RORA: variants seen among roughly 807,000 people sequenced by gnomAD.
The protein encoded by RORA is nuclear receptor ROR-alpha.
A neutral mutation model predicts 69.5 loss-of-function variants in RORA; 7 were observed. That is an observed-to-expected ratio of 0.10 (90% CI 0.06 to 0.19). The LOEUF (loss-of-function observed/expected upper bound fraction) is 0.19. Among genes scored for constraint, RORA ranks in the 10% least tolerant of loss-of-function variants. The pLI is 1.00. For missense variants in RORA, 457 were observed against 663.0 expected (o/e 0.69, Z 3.41); for synonymous variants, 261 against 240.8 (o/e 1.08, Z -0.78).
chr15:61,016,003 G>C (rs971943675), intron 1 of RORA, among the ~76,000 whole-genome samples: 5 of 152,160 alleles, frequency 3.3e-5, no homozygotes, highest in Non-Finnish European at 7.3e-5. Flanking sequence ...TCATGATATC[G>C]GAGAGATGAC....
At chr15:60,847,512 C>T (rs1295608676) in intron 1 of RORA, among the ~76,000 whole-genome samples, 3 of 151,992 alleles carry the variant, frequency 2.0e-5, no homozygotes, top group Admixed American at 6.6e-5. Context: ...CTTTTCTGAA[C>T]ACCTTTGAGT....
At chr15:60,576,306 A>G (rs544937375) in intron 2 of RORA, among the ~76,000 whole-genome samples, 2 of 152,350 alleles carry the variant, frequency 1.3e-5, no homozygotes, top group Admixed American at 1.3e-4. Context: ...TCTCTTAGTT[A>G]TAACAGTCAG....
chr15:60,814,075 T>C (rs1386094609), intron 1 of RORA, among the ~76,000 whole-genome samples: 1 of 152,218 alleles, frequency 6.6e-6, no homozygotes. Flanking sequence ...GGGACTAATT[T>C]AGCTCTTCTA....
chr15:61,178,956 T>G (rs1251420734), intron 1 of RORA, among the ~76,000 whole-genome samples: 4 of 152,192 alleles, frequency 2.6e-5, no homozygotes, highest in Admixed American at 6.5e-5. Flanking sequence ...ATCTACATAC[T>G]TTTTCCTTTG....
chr15:60,820,622 G>A (rs1595741045), intron 1 of RORA, among the ~76,000 whole-genome samples: 1 of 152,066 alleles, frequency 6.6e-6, no homozygotes, highest in South Asian at 2.1e-4. Flanking sequence ...CTTTCACACT[G>A]GGAGTAAAGG....
intron 2 of RORA, among the ~76,000 whole-genome samples, chr15:60,553,626 GA>G (rs1323739716): frequency 1.3e-5 from 2 of 152,132 alleles, no homozygotes; most frequent in African/African-American, 4.8e-5. Flanking sequence ...AGAAACAGCA[GA>G]AAAAGCTCTC....
At position 60,819,945 on chromosome 15, in the gene RORA, G is replaced by A. The variant is rs550007250; in HGVS notation, c.167-141259C>T. ...TGCCTGCTTCCCTGCCTGCTTCCAG[G>A]GCCAGCATCTCCACCCCTGCAGATG... On this transcript the variant is annotated intron_variant, in intron 1 of 10. Transcript: ENST00000335670. Among the ~76,000 whole-genome samples, 764 of 152,214 alleles carry A rather than the reference G, an allele frequency of 5.0e-3. 8 individuals are homozygous for A. The highest frequency in any genetic ancestry group is 0.018 in the African/African-American group (732 of 41,530).
intron 1 of RORA, among the ~76,000 whole-genome samples, chr15:61,062,870 C>A (rs957477839): frequency 1.3e-5 from 2 of 152,140 alleles, no homozygotes; most frequent in South Asian, 4.2e-4. Context: ...TGATGAAGCA[C>A]GTGGTAGAAT....
At chr15:60,616,537 A>G (rs1251051864) in intron 2 of RORA, among the ~76,000 whole-genome samples, 1 of 152,244 alleles carries the variant, frequency 6.6e-6, no homozygotes, top group East Asian at 1.9e-4. Context: ...AGAAAGAAAC[A>G]AGAGCCGGGA....
intron 1 of RORA, among the ~76,000 whole-genome samples, chr15:60,894,924 C>A (rs1031035622): frequency 6.6e-6 from 1 of 152,182 alleles, no homozygotes; most frequent in Non-Finnish European, 1.5e-5. Flanking sequence ...GGCTCGTTGT[C>A]ACAGCATCAA....
chr15:60,737,569 C>G (rs867061560), intron 1 of RORA, among the ~76,000 whole-genome samples: 1 of 152,292 alleles, frequency 6.6e-6, no homozygotes, highest in Middle Eastern at 3.4e-3. Context: ...AACAAGTCCT[C>G]CAAGTGATTC....
At chr15:61,105,114 T>C (rs2140763685) in intron 1 of RORA, among the ~76,000 whole-genome samples, 1 of 152,054 alleles carries the variant, frequency 6.6e-6, no homozygotes, top group African/African-American at 2.4e-5. Context: ...ATACAGCTAG[T>C]TAACCCTTAC....
intron 1 of RORA, among the ~76,000 whole-genome samples, chr15:61,203,474 A>G (rs2079912812): frequency 6.6e-6 from 1 of 152,222 alleles, no homozygotes; most frequent in Non-Finnish European, 1.5e-5. Context: ...GGCAGTTTAA[A>G]CAGCAGAGTA....
intron 1 of RORA, among the ~76,000 whole-genome samples, chr15:60,884,531 T>C (rs2073729945): frequency 6.6e-6 from 1 of 151,996 alleles, no homozygotes; most frequent in Non-Finnish European, 1.5e-5. Flanking sequence ...AAATCCACAT[T>C]TGTGTATGGA....
intron 1 of RORA, among the ~76,000 whole-genome samples, chr15:60,770,640 C>A (rs969355449): frequency 6.6e-6 from 1 of 152,250 alleles, no homozygotes; most frequent in African/African-American, 2.4e-5. Flanking sequence ...GAGACCCAGT[C>A]TCATTTTGTT....
At chr15:61,186,207 A>T (rs7167741) in intron 1 of RORA, among the ~76,000 whole-genome samples, 51,686 of 152,094 alleles carry the variant, frequency 0.34, 10,993 homozygotes, top group East Asian at 0.47. Flanking sequence ...TGCTCAGCAC[A>T]CTGCAACCTA....
At chr15:60,831,034 G>A (rs1007802530) in intron 1 of RORA, among the ~76,000 whole-genome samples, 1 of 152,218 alleles carries the variant, frequency 6.6e-6, no homozygotes, top group African/African-American at 2.4e-5. Flanking sequence ...TAGTCAGCGA[G>A]GAGACTGAGA....
chr15:60,675,186 G>A (rs151025436), intron 2 of RORA, among the ~76,000 whole-genome samples: 4 of 152,258 alleles, frequency 2.6e-5, no homozygotes, highest in East Asian at 3.9e-4. Context: ...TGAATGACTC[G>A]TTGTCCTTGG....
intron 1 of RORA, among the ~76,000 whole-genome samples, chr15:60,817,758 C>A (rs989429008): frequency 6.6e-6 from 1 of 152,218 alleles, no homozygotes; most frequent in South Asian, 2.1e-4. Context: ...CTGTGTTTGT[C>A]CCCTGTGCCA....
Sources: gnomAD v4.1 joint callset for allele counts (sites outside exome capture counted in the v4.1 genomes callset) on GRCh38, gnomAD v4.1.1 for gene constraint, MANE v1.5 for transcripts, NCBI Gene and HGNC (gene_info 2026-07-23, HGNC 2026-07-21) for gene names.